PCDHGA10: variants seen among roughly 807,000 people sequenced by gnomAD.
PCDHGA10 encodes the protein protocadherin gamma-A10.
A neutral mutation model predicts 59.5 loss-of-function variants in PCDHGA10; 42 were observed. That is an observed-to-expected ratio of 0.71 (90% CI 0.55 to 0.91). PCDHGA10 has a LOEUF of 0.91. Ranked by LOEUF, PCDHGA10 falls within the 40% of genes least tolerant of loss-of-function variation. The probability of loss-of-function intolerance (pLI) is 0.00; values close to 1 mark genes in which losing one functional copy is unlikely to be tolerated. For missense variants in PCDHGA10, 1,111 were observed against 1,198.2 expected, an observed-to-expected ratio of 0.93 and a Z score of 1.07; for synonymous variants, 511 against 517.2, an observed-to-expected ratio of 0.99 and a Z score of 0.16.
At chr5:141,421,316 G>A in intron 1 of PCDHGA10, 1 of 1,613,866 alleles carries the variant, frequency 6.2e-7, no homozygotes, top group Non-Finnish European at 8.5e-7. Flanking sequence ...TTCCGGGCCA[G>A]GCAGATCCGA....
chr5:141,440,527 T>G (rs1282939317), intron 1 of PCDHGA10: 3 of 152,222 alleles, frequency 2.0e-5, no homozygotes, highest in African/African-American at 7.2e-5. Context: ...TGAAGAATCA[T>G]GCACCACGGT....
At chr5:141,466,528 T>C (rs1171715691) in intron 1 of PCDHGA10, among the ~76,000 whole-genome samples, 1 of 152,204 alleles carries the variant, frequency 6.6e-6, no homozygotes, top group African/African-American at 2.4e-5. Context: ...TCCTCCCAAA[T>C]TGATGTAGAT....
In PCDHGA10 at chr5:141,430,592, C is replaced by G; in HGVS notation, c.2436+14981C>G. The G allele has an allele frequency of 9.2e-6, 5 of 544,570 alleles. No individual in the cohort carries two copies. In the South Asian group the frequency reaches 3.1e-4, roughly 34 times the overall value. The allele number at this position is 544,570 out of a possible 1,614,324, so 33.7% of individuals were successfully genotyped here. ...AAGCGGAGATCCTGCTCGCCTTGCACGCGCCTGAAGCACAAAGCAGATAGC... is the reference window on the plus strand; with the variant it reads ...AAGCGGAGATCCTGCTCGCCTTGCAGGCGCCTGAAGCACAAAGCAGATAGC... On this transcript the variant is annotated intron_variant, in intron 1 of 3. Coordinates refer to ENST00000398610, the MANE Select transcript of PCDHGA10 (RefSeq NM_018913.3).
chr5:141,431,709 T>A lies in PCDHGA10; in HGVS notation c.2436+16098T>A. 6.2e-7 allele frequency: 1 copy of A among 1,614,168 alleles called. No individual in the cohort carries two copies. Among genetic ancestry groups the A allele is most frequent in the Non-Finnish European group, 8.5e-7 (1 of 1,180,018 alleles). ...CACGAGGAGTCAGGATTCTACCAGA[T>A]GGAAGTGCAAGCAATGGATAATGCA... On this transcript the variant is annotated intron_variant, in intron 1 of 3. Coordinates refer to ENST00000398610, the MANE Select transcript of PCDHGA10 (RefSeq NM_018913.3). This position sits in a 1 kb window ranked among gnomAD's most constrained non-coding sequence, Gnocchi z 4.8.
Position 141,431,592 on chromosome 5 carries a change from G to A in PCDHGA10, c.2436+15981G>A, listed in dbSNP as rs1429358254. 2.5e-6 allele frequency: 4 copies of A among 1,614,100 alleles called. No individual in the cohort carries two copies. The Admixed American group carries it at 6.7e-5, about 27-fold the overall frequency. The stretch of plus-strand genomic sequence containing the variant: ...GACGAAGGAGTCAATGCGGAAGTGA[G>A]GTATTCCTTCCGGTATGTGGACGAC... On this transcript the variant is annotated intron_variant, in intron 1 of 3. Transcript: ENST00000398610. The surrounding 1 kb of genome is among the most constrained non-coding windows in gnomAD (Gnocchi z 4.8).
In PCDHGA10 at chr5:141,419,975, G is replaced by A. The variant is rs372316838; in HGVS notation, c.2436+4364G>A. ...CTTGATTTCTGTGCTCTTTCTCCTC[G>A]CGGTGATTCTAGCTATTGCTCTACG... On this transcript the variant is annotated intron_variant, in intron 1 of 3. Coordinates refer to ENST00000398610, the MANE Select transcript of PCDHGA10 (RefSeq NM_018913.3). 273 of 1,613,928 alleles carry A rather than the reference G, an allele frequency of 1.7e-4. No homozygotes were observed. The highest frequency in any genetic ancestry group is 2.2e-4 in the Non-Finnish European group (261 of 1,179,916).
At position 141,443,088 on chromosome 5, in the gene PCDHGA10, T is replaced by C. The variant is rs188899890; in HGVS notation, c.2436+27477T>C. On this transcript the variant is annotated intron_variant, in intron 1 of 3. Transcript: ENST00000398610. ...CGTCTTATGACTGAGTGTTCCAGTC[T>C]CCTTCTCAAGCTGAACCTTGCTTTT... is the stretch of plus-strand genomic sequence containing the variant. 2.9e-3 allele frequency among the ~76,000 whole-genome samples: 446 copies of C among 152,092 alleles called. 1 individual carries two copies. Among genetic ancestry groups the C allele is most frequent in the Middle Eastern group, 0.014 (4 of 294 alleles).
At chr5:141,509,782 C>A (rs2099878218) in intron 3 of PCDHGA10, among the ~76,000 whole-genome samples, 1 of 152,144 alleles carries the variant, frequency 6.6e-6, no homozygotes, top group Admixed American at 6.5e-5. Context: ...TCCCCGAGAT[C>A]ATCATCTCCT....
intron 1 of PCDHGA10, chr5:141,439,735 G>A (rs1317592646): frequency 1.3e-5 from 2 of 152,360 alleles, no homozygotes; most frequent in Non-Finnish European, 2.9e-5. Flanking sequence ...AGCAGGAACG[G>A]AACGGATTTA....
At chr5:141,419,576 G>A (rs958064613) in intron 1 of PCDHGA10, 10 of 1,611,766 alleles carry the variant, frequency 6.2e-6, no homozygotes, top group Non-Finnish European at 6.8e-6. Flanking sequence ...CGACGGCTCC[G>A]CGCTCTTCGA....
chr5:141,455,343 G>A (rs1462807460), intron 1 of PCDHGA10, among the ~76,000 whole-genome samples: 1 of 152,036 alleles, frequency 6.6e-6, no homozygotes, highest in African/African-American at 2.4e-5. Flanking sequence ...TTTAAGGAGC[G>A]GAGAGTTTAA....
At chr5:141,497,855 C>T (rs1447484949) in intron 2 of PCDHGA10, among the ~76,000 whole-genome samples, 1 of 152,122 alleles carries the variant, frequency 6.6e-6, no homozygotes, top group Non-Finnish European at 1.5e-5. Flanking sequence ...ATTTTTGATT[C>T]AGCGGCTCCA....
intron 1 of PCDHGA10, chr5:141,420,054 G>A (rs1355002535): frequency 6.2e-7 from 1 of 1,614,070 alleles, no homozygotes; most frequent in East Asian, 2.2e-5. Context: ...TCAGTTCTCT[G>A]CTCCAAGTCC....
intron 1 of PCDHGA10, chr5:141,423,660 G>T (rs765304048): frequency 1.3e-6 from 2 of 1,560,582 alleles, no homozygotes; most frequent in Non-Finnish European, 8.6e-7. Context: ...CAAGTAATCA[G>T]GTGAGATTTA....
chr5:141,418,906 C>T, intron 1 of PCDHGA10: 1 of 1,613,908 alleles, frequency 6.2e-7, no homozygotes, highest in Non-Finnish European at 8.5e-7. Flanking sequence ...AAATAATCAT[C>T]ACGTCACTCT....
chr5:141,449,622 T>A (rs889336036), intron 1 of PCDHGA10, among the ~76,000 whole-genome samples: 1 of 150,910 alleles, frequency 6.6e-6, no homozygotes, highest in African/African-American at 2.4e-5. Context: ...AAAAGTTTTT[T>A]AAAAAGATGT....
chr5:141,419,420 G>C (rs774685112), intron 1 of PCDHGA10: 10 of 1,613,372 alleles, frequency 6.2e-6, no homozygotes, highest in Non-Finnish European at 7.6e-6. Flanking sequence ...GCGCGCCTTC[G>C]ACCACGAGCA....
intron 1 of PCDHGA10, chr5:141,419,861 T>G (rs749551833): frequency 6.2e-7 from 1 of 1,614,098 alleles, no homozygotes; most frequent in Non-Finnish European, 8.5e-7. Context: ...CGCAGATAGC[T>G]TGCAAGAGGT....
chr5:141,479,845 A>T (rs895639749), intron 1 of PCDHGA10, among the ~76,000 whole-genome samples: 4 of 152,210 alleles, frequency 2.6e-5, no homozygotes, highest in Admixed American at 1.3e-4. Flanking sequence ...ATGCAAGGTG[A>T]CTGCAAGGCC....
Sources: allele counts gnomAD v4.1 joint callset (sites outside exome capture counted in the v4.1 genomes callset), GRCh38; gene constraint gnomAD v4.1.1; non-coding constraint Gnocchi (gnomAD v3.1); transcripts MANE v1.5; gene names NCBI Gene and HGNC (gene_info 2026-07-23, HGNC 2026-07-21).